XPO5: variants seen among roughly 807,000 people sequenced by gnomAD.
XPO5 encodes the protein exportin-5.
Under a neutral mutation model 160.6 loss-of-function variants are expected in XPO5, and 46 were observed. The observed-to-expected ratio is 0.29, with a 90% confidence interval of 0.23 to 0.37. The LOEUF (loss-of-function observed/expected upper bound fraction) is 0.37, where lower values mean the gene tolerates loss of function less well. Ranked by LOEUF, XPO5 falls within the 10% of genes least tolerant of loss-of-function variation. The probability of loss-of-function intolerance (pLI) is 1.00; values close to 1 mark genes in which losing one functional copy is unlikely to be tolerated. For synonymous variants in XPO5, 537 were observed against 519.3 expected (o/e 1.03, Z -0.46); for missense variants, 1,090 against 1,463.9 (o/e 0.74, Z 4.17).
Position 43,553,389 on chromosome 6 carries a change from C to T in XPO5, c.1556G>A (p.Arg519Gln), listed in dbSNP as rs746618680. 9.3e-6 allele frequency: 15 copies of T among 1,608,354 alleles called. No individual in the cohort carries two copies. The highest frequency in any genetic ancestry group is 1.2e-5 in the Non-Finnish European group (14 of 1,177,342). ...FLESVITQMF[R>Q]TLNREEIPVN... ...ATTACTTACTTCTCTATTTAGTGTT[C>T]GAAACATCTGGGTGATAACACTTTC... The change falls in exon 14 of 32, where the codon CGA becomes CAA. Residue 519 changes from arginine to glutamine, a missense_variant. By Grantham distance (43) the Arg-to-Gln change is conservative. Transcript: ENST00000265351.
In XPO5 at chr6:43,522,730, A is replaced by G; in HGVS notation, c.*1138T>C. 1 of 500,914 alleles carries G rather than the reference A, an allele frequency of 2.0e-6. No homozygotes were observed. The highest frequency in any genetic ancestry group is 2.0e-5 in the Admixed American group (1 of 49,568). 31.0% of individuals were successfully genotyped at this position (500,914 alleles called of 1,614,324 possible). On this transcript the variant is annotated 3_prime_UTR_variant, in exon 32 of 32. Transcript: ENST00000265351. ...GGAAACCCTCTTGTCAGTGGACTGG[A>G]TGGACAACAGGTCTGTTTTTGTGCA...
chr6:43,527,465 G>C (rs1032105345), intron 26 of XPO5, 169 bp downstream of exon 26: 11 of 618,460 alleles, frequency 1.8e-5, no homozygotes, highest in Non-Finnish European at 3.1e-5. Context: ...GTAGAGACAG[G>C]GTTTCACCAT....
chr6:43,558,645 G>A (rs1173047205), intron 11 of XPO5, 54 bp from the exon 12 acceptor site: 13 of 1,378,792 alleles, frequency 9.4e-6, no homozygotes, highest in African/African-American at 1.5e-5. Context: ...CACTGAAAGA[G>A]TTTTTAAGCT....
chr6:43,526,370 C>A, intron 27 of XPO5: 1 of 441,234 alleles, frequency 2.3e-6, no homozygotes, highest in Non-Finnish European at 4.2e-6. Context: ...CAGAGGAATA[C>A]AGAGTAGCTG....
At chr6:43,563,255 A>C (rs1762503651) in intron 8 of XPO5, among the ~76,000 whole-genome samples, 1 of 152,126 alleles carries the variant, frequency 6.6e-6, no homozygotes, top group Non-Finnish European at 1.5e-5. Flanking sequence ...CCTCCCAAGT[A>C]GCTGGGACTA....
chr6:43,531,661 CA>C lies in XPO5; in HGVS notation c.2444-87del, dbSNP rs1278839221. 2.1e-5 allele frequency: 25 copies of C among 1,186,618 alleles called. 1 individual carries two copies. Among genetic ancestry groups the C allele is most frequent in the Admixed American group, 6.9e-5 (4 of 58,046 alleles). 73.5% of individuals were successfully genotyped at this position (1,186,618 alleles called of 1,614,324 possible). Reference sequence around the variant, plus strand: ...CACTCTACAGCAGGAAGCTGTTGTTCAGGGGTGAAGATGTGTGCATGTCTGG... The same window carrying C: ...CACTCTACAGCAGGAAGCTGTTGTTCGGGGTGAAGATGTGTGCATGTCTGG... On this transcript the variant is annotated intron_variant, in intron 21 of 31. Transcript: ENST00000265351.
chr6:43,543,673 A>AT (rs111929412), intron 20 of XPO5, among the ~76,000 whole-genome samples: 4,909 of 149,810 alleles, frequency 0.033, 259 homozygotes, highest in African/African-American at 0.11. Context: ...AATTTATTTA[A>AT]TTTTTTTTTT....
intron 8 of XPO5, 89 bp downstream of exon 8, chr6:43,565,571 A>T (rs891280693): frequency 2.8e-5 from 30 of 1,072,154 alleles, no homozygotes; most frequent in African/African-American, 1.2e-4. Flanking sequence ...CTCAAAATAA[A>T]AAAAAAAAAA....
intron 22 of XPO5, 51 bp from the exon 23 acceptor site, chr6:43,530,875 A>C: frequency 6.3e-7 from 1 of 1,584,686 alleles, no homozygotes; most frequent in Non-Finnish European, 8.6e-7. Flanking sequence ...AACATCTGTT[A>C]CTGCCAGCCC....
At chr6:43,541,057 C>A (rs1167113519) in intron 20 of XPO5, among the ~76,000 whole-genome samples, 1 of 151,924 alleles carries the variant, frequency 6.6e-6, no homozygotes, top group Non-Finnish European at 1.5e-5. Flanking sequence ...TTAAACAATT[C>A]GACTCATGGA....
rs756204743 is a variant in XPO5, at chr6:43,568,756, A to G, written c.622-19T>C. On this transcript the variant is annotated intron_variant, in intron 5 of 31. Coordinates refer to ENST00000265351, the MANE Select transcript of XPO5 (RefSeq NM_020750.3). ...CTGTCTTCTGAAAGGAAGTATAAAG[A>G]TCCAGTGTTTTTAATGAGCAAAAGG... 5 of 1,563,798 alleles carry G rather than the reference A, an allele frequency of 3.2e-6. No individual in the cohort carries two copies. The highest frequency in any genetic ancestry group is 1.2e-5 in the South Asian group (1 of 83,698).
At position 43,560,797 on chromosome 6, in the gene XPO5, C is replaced by T. The variant is rs531275957; in HGVS notation, c.1095+127G>A. 71 of 791,390 alleles carry T rather than the reference C, an allele frequency of 9.0e-5. No individual in the cohort carries two copies. The South Asian group carries it at 1.1e-3, about 13-fold the overall frequency. 49.0% of individuals were successfully genotyped at this position (791,390 alleles called of 1,614,324 possible). A position where few individuals can be genotyped will look rare whatever the true frequency, so the allele number is the denominator to read the frequency against. On this transcript the variant is annotated intron_variant, in intron 10 of 31. Coordinates refer to ENST00000265351, the MANE Select transcript of XPO5 (RefSeq NM_020750.3). Reference sequence around the variant, plus strand: ...CAATAATTCTCTTAATGAAATGACACTACGGTCATTCCCCAAGGCCTGAAG... The same window carrying T: ...CAATAATTCTCTTAATGAAATGACATTACGGTCATTCCCCAAGGCCTGAAG...
chr6:43,563,026 G>A (rs1762491909), intron 8 of XPO5, among the ~76,000 whole-genome samples: 1 of 152,182 alleles, frequency 6.6e-6, no homozygotes, highest in Non-Finnish European at 1.5e-5. Flanking sequence ...CAAAAGTAAA[G>A]AGTATCAAAA....
chr6:43,539,673 G>GC (rs988915260), intron 20 of XPO5: 105 of 1,000,692 alleles, frequency 1.0e-4, no homozygotes, highest in Middle Eastern at 3.1e-4. Flanking sequence ...GGGCCTCCAG[G>GC]CCCCCCCACT....
At chr6:43,546,436 C>A in intron 20 of XPO5, 135 bp downstream of exon 20, 3 of 838,686 alleles carry the variant, frequency 3.6e-6, no homozygotes, top group South Asian at 3.4e-5. Context: ...CTGAGACACC[C>A]TCTAGAAAGA....
rs1270611684 is a variant in XPO5 at position 43,525,917 on chromosome 6, T to G, written c.2988A>C (p.Glu996Asp). ...GGGTGACCTCTGTGGCCATCATTTC[T>G]TCATCTGTTATCAGAGAGTAGAATG... ...SSAPPADGDD[E>D]EMMATEVTPS... The change falls in exon 28 of 32, where the codon GAA (glutamate) becomes GAC (aspartate). Residue 996 changes from glutamate (E) to aspartate (D), a missense_variant. This residue lies in a region of XPO5 where 810 missense variants were observed against 1,139.0 expected (regional missense o/e 0.71). Coordinates refer to ENST00000265351, the MANE Select transcript of XPO5 (RefSeq NM_020750.3). The G allele has an allele frequency of 6.2e-7, 1 of 1,613,920 alleles. No individual in the cohort carries two copies. The highest frequency in any genetic ancestry group is 1.1e-5 in the South Asian group (1 of 91,080).
At position 43,526,548 on chromosome 6, in the gene XPO5, A is replaced by G. The variant is rs1416260391; in HGVS notation, c.2983+137T>C. On this transcript the variant is annotated intron_variant, in intron 27 of 31. Transcript: ENST00000265351. ...GGGAGTATGATGGAGGCACACAGCAAGAGGGCTGGTCCAGAGATGATAACT... is the reference window on the plus strand; with the variant it reads ...GGGAGTATGATGGAGGCACACAGCAGGAGGGCTGGTCCAGAGATGATAACT... The G allele has an allele frequency of 4.2e-6, 4 of 947,314 alleles. No individual in the cohort carries two copies. The East Asian group carries it at 1.1e-4, about 25-fold the overall frequency. 58.7% of individuals were successfully genotyped at this position (947,314 alleles called of 1,614,324 possible).
At chr6:43,526,245 A>G (rs1306183153) in intron 27 of XPO5, 1 of 398,968 alleles carries the variant, frequency 2.5e-6, no homozygotes, top group African/African-American at 2.0e-5. Context: ...GTATAGGACA[A>G]TAGGTCCCTT....
chr6:43,549,600 A>G (rs773778706), intron 16 of XPO5, 22 bp from the exon 17 acceptor site: 2 of 1,608,278 alleles, frequency 1.2e-6, no homozygotes, highest in Non-Finnish European at 1.7e-6. Flanking sequence ...CATTCAACAA[A>G]CTCGGAGCTG....
Sources: allele counts gnomAD v4.1 joint callset (sites outside exome capture counted in the v4.1 genomes callset), GRCh38; gene constraint gnomAD v4.1.1; regional missense constraint gnomAD v4.1.1; transcripts MANE v1.5; gene names NCBI Gene and HGNC (gene_info 2026-07-23, HGNC 2026-07-21).